Variants in EXOC6B observed in about 807,000 individuals in gnomAD.
EXOC6B encodes exocyst complex component 6B, also known as SEC15 homolog B.
A neutral mutation model predicts 113.5 loss-of-function variants in EXOC6B; 54 were observed. The ratio of observed to expected loss-of-function variants is 0.48; its 90% CI spans 0.38 to 0.60. EXOC6B has a LOEUF of 0.60. Among genes scored for constraint, EXOC6B ranks in the 20% least tolerant of loss-of-function variants. The probability of loss-of-function intolerance (pLI) is 0.00; values close to 1 mark genes in which losing one functional copy is unlikely to be tolerated. For synonymous variants in EXOC6B, 357 were observed against 339.0 expected, an observed-to-expected ratio of 1.05 and a Z score of -0.58; for missense variants, 797 against 977.5, an observed-to-expected ratio of 0.82 and a Z score of 2.46.
At position 72,180,158 on chromosome 2, in the gene EXOC6B, A is replaced by C. The variant is rs1677993370; in HGVS notation, c.2310-697T>G. Among the ~76,000 whole-genome samples, 6 of 152,316 alleles carry C rather than the reference A, an allele frequency of 3.9e-5. No individual in the cohort carries two copies. In the South Asian group the frequency reaches 1.2e-3, roughly 32 times the overall value. On this transcript the variant is annotated intron_variant, in intron 21 of 21. Transcript: ENST00000272427. The stretch of plus-strand genomic sequence containing the variant: ...ATAAACCAGAGCTTTTTACATGAGA[A>C]GCCTTTGAGTTCTCAATGGCTGTCT...
At chr2:72,363,123 C>T (rs941222968) in intron 19 of EXOC6B, among the ~76,000 whole-genome samples, 7 of 152,048 alleles carry the variant, frequency 4.6e-5, no homozygotes, top group African/African-American at 1.7e-4. Context: ...AAATATAAAA[C>T]ATATAAACAT....
At chr2:72,363,209 G>T (rs889839283) in intron 19 of EXOC6B, among the ~76,000 whole-genome samples, 1 of 152,044 alleles carries the variant, frequency 6.6e-6, no homozygotes, top group Non-Finnish European at 1.5e-5. Context: ...GAAAAGTGAT[G>T]ATTTCATCAC....
chr2:72,458,964 C>A (rs1038853715), intron 18 of EXOC6B, among the ~76,000 whole-genome samples: 6 of 152,174 alleles, frequency 3.9e-5, no homozygotes, highest in African/African-American at 1.4e-4. Context: ...AATATCACCT[C>A]CACATACCCC....
At chr2:72,261,376 A>T (rs1683704547) in intron 20 of EXOC6B, among the ~76,000 whole-genome samples, 1 of 152,198 alleles carries the variant, frequency 6.6e-6, no homozygotes, top group Non-Finnish European at 1.5e-5. Flanking sequence ...TTTTAAAGAA[A>T]AGTTTGTTTA....
At chr2:72,520,078 C>T (rs571759428) in intron 8 of EXOC6B, among the ~76,000 whole-genome samples, 4 of 152,248 alleles carry the variant, frequency 2.6e-5, no homozygotes, top group East Asian at 1.9e-4. Flanking sequence ...TCAGTTAGCA[C>T]GTATCTCCAT....
chr2:72,178,572 G>A lies in EXOC6B; in HGVS notation c.*763C>T, dbSNP rs571024733. On this transcript the variant is annotated 3_prime_UTR_variant, in exon 22 of 22. Transcript: ENST00000272427. ...TGGGTCTCTGATTCCATGAAAACTG[G>A]CTTTCAAGATCCAGAAAAACTCTTC... 2 of 152,300 alleles carry A rather than the reference G, an allele frequency of 1.3e-5. No homozygotes were observed. The highest frequency in any genetic ancestry group is 4.8e-5 in the African/African-American group (2 of 41,554). The allele number at this position is 152,300 out of a possible 1,614,324, so 9.4% of individuals were successfully genotyped here.
chr2:72,810,371 AT>A (rs1685830712), intron 1 of EXOC6B, among the ~76,000 whole-genome samples: 1 of 142,910 alleles, frequency 7.0e-6, no homozygotes, highest in African/African-American at 2.5e-5. Context: ...AAATAAATAA[AT>A]AAATAAATAA....
chr2:72,439,893 T>C (rs1696096418), intron 18 of EXOC6B, among the ~76,000 whole-genome samples: 1 of 152,200 alleles, frequency 6.6e-6, no homozygotes, highest in Non-Finnish European at 1.5e-5. Context: ...GACCTTTGGA[T>C]ATTTTTTTTT....
intron 6 of EXOC6B, among the ~76,000 whole-genome samples, chr2:72,671,674 G>A (rs758918323): frequency 8.0e-5 from 12 of 150,358 alleles, no homozygotes; most frequent in Non-Finnish European, 1.3e-4. Flanking sequence ...CTCTAGCTTA[G>A]GCAACAAGAG....
At chr2:72,531,972 C>T (rs6711701) in intron 8 of EXOC6B, among the ~76,000 whole-genome samples, 30,396 of 151,398 alleles carry the variant, frequency 0.2, 4,786 homozygotes, top group African/African-American at 0.44. Flanking sequence ...GTGACAAGAG[C>T]GAGACTCCTT....
intron 1 of EXOC6B, among the ~76,000 whole-genome samples, chr2:72,799,998 G>C (rs1031390937): frequency 1.3e-5 from 2 of 152,138 alleles, no homozygotes; most frequent in African/African-American, 4.8e-5. Flanking sequence ...CCTGGAGGCA[G>C]AGGCTGCAGG....
At chr2:72,516,596 A>G (rs940715210) in intron 8 of EXOC6B, among the ~76,000 whole-genome samples, 1 of 152,212 alleles carries the variant, frequency 6.6e-6, no homozygotes, top group African/African-American at 2.4e-5. Context: ...AAAAATGAAA[A>G]GAGAGAATAC....
chr2:72,188,532 C>T (rs898592669), intron 20 of EXOC6B, among the ~76,000 whole-genome samples: 3 of 152,066 alleles, frequency 2.0e-5, no homozygotes, highest in African/African-American at 7.2e-5. Flanking sequence ...ACTAAGTTAG[C>T]TGCTTGGAGG....
In EXOC6B at chr2:72,787,506, T is replaced by G. The variant is rs576932991; in HGVS notation, c.113+38292A>C. ...TGAGCCACAGTGCCCGGCCTCAGGG[T>G]TTTCTTTATCTTTTTCTTTTTTTTT... On this transcript the variant is annotated intron_variant, in intron 1 of 21. Coordinates refer to ENST00000272427, the MANE Select transcript of EXOC6B (RefSeq NM_015189.3). Among the ~76,000 whole-genome samples the G allele has an allele frequency of 9.2e-5, 14 of 152,038 alleles. No individual in the cohort carries two copies. In the South Asian group the frequency reaches 2.9e-3, roughly 32 times the overall value.
chr2:72,249,813 C>T (rs75133416), intron 20 of EXOC6B, among the ~76,000 whole-genome samples: 4,457 of 152,236 alleles, frequency 0.029, 206 homozygotes, highest in African/African-American at 0.1. Flanking sequence ...GGTTGGTAGA[C>T]ATTTACCTAA....
intron 20 of EXOC6B, among the ~76,000 whole-genome samples, chr2:72,321,801 G>T (rs1373128730): frequency 6.6e-6 from 1 of 152,102 alleles, no homozygotes; most frequent in Non-Finnish European, 1.5e-5. Flanking sequence ...CTGTGATCTT[G>T]GTAGTGGTAA....
chr2:72,575,503 C>G lies in EXOC6B; in HGVS notation c.835G>C (p.Asp279His). The G allele has an allele frequency of 6.2e-7, 1 of 1,605,896 alleles. No individual in the cohort carries two copies. Among genetic ancestry groups the G allele is most frequent in the Non-Finnish European group, 8.5e-7 (1 of 1,177,254 alleles). ...SGILDVEDEE[D>H]DEEVPGAQDL... is the part of the protein sequence containing the mutation. ...CAAATGTTACTTACCTCTTCATCATCTTCCTCGTCTTCAACATCCAGAATT... is the reference window on the plus strand; with the variant it reads ...CAAATGTTACTTACCTCTTCATCATGTTCCTCGTCTTCAACATCCAGAATT... The change falls in exon 7 of 22, where the codon GAT becomes CAT. Residue 279 changes from aspartate to histidine, a missense_variant. Transcript: ENST00000272427.
chr2:72,666,093 A>G (rs1675368814), intron 6 of EXOC6B, among the ~76,000 whole-genome samples: 1 of 152,330 alleles, frequency 6.6e-6, no homozygotes, highest in Non-Finnish European at 1.5e-5. Flanking sequence ...AAGGACAAAG[A>G]TGGGTATTAC....
intron 20 of EXOC6B, among the ~76,000 whole-genome samples, chr2:72,321,452 T>C (rs1175616012): frequency 6.6e-6 from 1 of 150,994 alleles, no homozygotes; most frequent in Admixed American, 6.6e-5. Flanking sequence ...GGAGAATTGC[T>C]TGAACCCAGG....
Sources: allele counts gnomAD v4.1 joint callset (sites outside exome capture counted in the v4.1 genomes callset), GRCh38; gene constraint gnomAD v4.1.1; transcripts MANE v1.5; gene names NCBI Gene and HGNC (gene_info 2026-07-23, HGNC 2026-07-21).